INTS13: variants seen among roughly 807,000 people sequenced by gnomAD.
INTS13 encodes asunder, spermatogenesis regulator homolog (Drosphila).
In INTS13, 35 loss-of-function variants were observed where a neutral mutation model predicts 90.2. That is an observed-to-expected ratio of 0.39 (90% CI 0.30 to 0.51). The LOEUF (loss-of-function observed/expected upper bound fraction) is 0.51. INTS13 is among the 20% of genes least tolerant of loss of function. The pLI is 0.80. For synonymous variants in INTS13, 309 were observed against 277.1 expected, an observed-to-expected ratio of 1.11 and a Z score of -1.14; for missense variants, 601 against 851.2, an observed-to-expected ratio of 0.71 and a Z score of 3.66.
chr12:26,934,742 T>C, intron 2 of INTS13, 112 bp from the exon 3 acceptor site: 2 of 839,730 alleles, frequency 2.4e-6, no homozygotes, highest in Non-Finnish European at 4.0e-6. Context: ...CATTCATTCT[T>C]CTTTTTATAG....
intron 1 of INTS13, 37 bp from the exon 2 acceptor site, chr12:26,936,851 C>A: frequency 7.5e-7 from 1 of 1,332,350 alleles, no homozygotes; most frequent in Non-Finnish European, 1.1e-6. Flanking sequence ...AATATTTGTA[C>A]ATAACATCTT....
chr12:26,919,042 T>C, intron 8 of INTS13: 2 of 401,332 alleles, frequency 5.0e-6, no homozygotes, highest in Admixed American at 2.6e-5. Context: ...GGTATGCACC[T>C]GCAGTCCCAG....
At chr12:26,928,176 T>G in intron 5 of INTS13, 29 bp downstream of exon 5, 5 of 1,501,098 alleles carry the variant, frequency 3.3e-6, no homozygotes, top group Non-Finnish European at 3.7e-6. Context: ...CACATGAACA[T>G]ATTTATTTCA....
chr12:26,933,489 A>G (rs1226379395), intron 3 of INTS13, among the ~76,000 whole-genome samples: 4 of 152,226 alleles, frequency 2.6e-5, no homozygotes. Flanking sequence ...GGAGTATATA[A>G]TGCCCTCAAA....
intron 3 of INTS13, among the ~76,000 whole-genome samples, chr12:26,933,853 T>G (rs1938322092): frequency 6.6e-6 from 1 of 151,138 alleles, no homozygotes; most frequent in Non-Finnish European, 1.5e-5. Context: ...ACAAAACACA[T>G]GAAGGGGAGA....
chr12:26,937,724 T>C (rs1938550385), intron 1 of INTS13, 72 bp downstream of exon 1: 1 of 152,454 alleles, frequency 6.6e-6, no homozygotes, highest in African/African-American at 2.4e-5. Flanking sequence ...TAGACCCACT[T>C]TGCTGGAGGG....
intron 11 of INTS13, among the ~76,000 whole-genome samples, chr12:26,915,134 G>A (rs1391484061): frequency 6.6e-6 from 1 of 152,114 alleles, no homozygotes; most frequent in Admixed American, 6.5e-5. Context: ...GCTGAGGCAG[G>A]AGAATCGCCT....
chr12:26,925,539 A>T (rs1937821424), intron 6 of INTS13, among the ~76,000 whole-genome samples: 1 of 152,186 alleles, frequency 6.6e-6, no homozygotes, highest in African/African-American at 2.4e-5. Context: ...TTTTGATAAA[A>T]TAAACAAACA....
At chr12:26,932,344 A>G (rs1938240677) in intron 3 of INTS13, among the ~76,000 whole-genome samples, 1 of 152,200 alleles carries the variant, frequency 6.6e-6, no homozygotes, top group South Asian at 2.1e-4. Context: ...TAGAGGCACC[A>G]ATTACCAAAC....
intron 3 of INTS13, among the ~76,000 whole-genome samples, chr12:26,934,207 G>GTT (rs1938341713): frequency 1.3e-5 from 2 of 152,292 alleles, no homozygotes; most frequent in South Asian, 4.1e-4. Flanking sequence ...CCTGGGAGAG[G>GTT]TTGCAGTGAG....
intron 15 of INTS13, among the ~76,000 whole-genome samples, chr12:26,908,190 A>C (rs1439256258): frequency 1.3e-5 from 2 of 152,098 alleles, no homozygotes; most frequent in Non-Finnish European, 2.9e-5. Context: ...TGAGGAGGAG[A>C]GTGAAGGATG....
Position 26,914,403 on chromosome 12 carries a change from C to CT in INTS13, c.1419+4dup. 1 of 1,610,882 alleles carries CT rather than the reference C, an allele frequency of 6.2e-7. No individual in the cohort carries two copies. Among genetic ancestry groups the CT allele is most frequent in the Non-Finnish European group, 8.5e-7 (1 of 1,178,948 alleles). ...TAAGAAAAGTTGAAGCTACTTAACA[C>CT]TTACCGCTTGCATGTTAAAAATGGT... On this transcript the variant is annotated splice_donor_region_variant and intron_variant, in intron 12 of 16. Coordinates refer to ENST00000261191, the MANE Select transcript of INTS13 (RefSeq NM_018164.3).
At chr12:26,927,773 G>A (rs570520656) in intron 5 of INTS13, among the ~76,000 whole-genome samples, 1 of 150,850 alleles carries the variant, frequency 6.6e-6, no homozygotes, top group South Asian at 2.2e-4. Context: ...ATGCCACCAG[G>A]CCCGGCTAAT....
intron 16 of INTS13, among the ~76,000 whole-genome samples, chr12:26,905,943 A>G (rs1363064765): frequency 6.6e-6 from 1 of 152,184 alleles, no homozygotes; most frequent in Non-Finnish European, 1.5e-5. Context: ...CAGATCTGAG[A>G]TTTATTTTAC....
At position 26,914,107 on chromosome 12, in the gene INTS13, T is replaced by C; in HGVS notation, c.1441A>G (p.Ile481Val). ...TCTTCTGTCAGAGATTCTTTCACAATAACACTGGCTAATGGAACTACCTGT... is the reference window on the plus strand; with the variant it reads ...TCTTCTGTCAGAGATTCTTTCACAACAACACTGGCTAATGGAACTACCTGT... The part of the protein sequence containing the change: ...MQAVVPLASV[I>V]VKESLTEEDV... The change falls in exon 13 of 17, where the codon ATT (isoleucine) becomes GTT (valine). Residue 481 changes from isoleucine to valine, a missense_variant. Ile to Val is a conservative substitution (Grantham distance 29). Coordinates refer to ENST00000261191, the MANE Select transcript of INTS13 (RefSeq NM_018164.3). 1 of 1,598,872 alleles carries C rather than the reference T, an allele frequency of 6.3e-7. No homozygotes were observed.
chr12:26,910,997 G>A (rs547110628), intron 15 of INTS13, among the ~76,000 whole-genome samples, 181 bp downstream of exon 15: 3 of 152,108 alleles, frequency 2.0e-5, no homozygotes, highest in Admixed American at 6.5e-5. Flanking sequence ...CACCATGCCC[G>A]CCTAATTTTG....
chr12:26,910,098 A>G lies in INTS13; in HGVS notation c.1945+1080T>C, dbSNP rs541370104. ...CCTTCAAGAGGAAACTAAACTTTTT[A>G]GCCTATAAGAGATTAAGAGGCTTTA... On this transcript the variant is annotated intron_variant, in intron 15 of 16. Coordinates refer to ENST00000261191, the MANE Select transcript of INTS13 (RefSeq NM_018164.3). 9.2e-5 allele frequency among the ~76,000 whole-genome samples: 14 copies of G among 152,362 alleles called. No homozygotes were observed. The South Asian group carries it at 2.9e-3, about 32-fold the overall frequency.
At position 26,924,484 on chromosome 12, in the gene INTS13, C is replaced by T. The variant is rs1565830036; in HGVS notation, c.676-1G>A. 6.3e-7 allele frequency: 1 copy of T among 1,598,400 alleles called. No homozygotes were observed. Among genetic ancestry groups the T allele is most frequent in the Non-Finnish European group, 8.5e-7 (1 of 1,172,556 alleles). On this transcript the variant is annotated splice_acceptor_variant, in intron 6 of 16. Coordinates refer to ENST00000261191, the MANE Select transcript of INTS13 (RefSeq NM_018164.3). LOFTEE classifies it high-confidence loss of function. ...CTTCACTGGTTAAAACCGGGGACAACTACAGAAAAACATACAAGAAAAATA... is the reference window on the plus strand; with the variant it reads ...CTTCACTGGTTAAAACCGGGGACAATTACAGAAAAACATACAAGAAAAATA...
At chr12:26,928,442 T>G (rs1938005808) in intron 4 of INTS13, among the ~76,000 whole-genome samples, 157 bp from the exon 5 acceptor site, 1 of 151,674 alleles carries the variant, frequency 6.6e-6, no homozygotes, top group Non-Finnish European at 1.5e-5. Context: ...AACAACTAGC[T>G]GAAAAACCAG....
Sources: gnomAD v4.1 joint callset for allele counts (sites outside exome capture counted in the v4.1 genomes callset) on GRCh38, gnomAD v4.1.1 for gene constraint, MANE v1.5 for transcripts, NCBI Gene and HGNC (gene_info 2026-07-23, HGNC 2026-07-21) for gene names.